HEPH: variants seen among roughly 807,000 people sequenced by gnomAD.
The protein encoded by HEPH is hephaestin.
A neutral mutation model predicts 80.8 loss-of-function variants in HEPH; 69 were observed. The ratio of observed to expected loss-of-function variants is 0.85; its 90% CI spans 0.70 to 1.04. The LOEUF (loss-of-function observed/expected upper bound fraction) is 1.04, where lower values mean the gene tolerates loss of function less well. Ranked by LOEUF, HEPH falls within the 50% of genes least tolerant of loss-of-function variation. The pLI, the probability that HEPH is intolerant of heterozygous loss-of-function variation, is 0.00. For missense variants in HEPH, 1,115 were observed against 891.3 expected (o/e 1.25, Z -3.20); for synonymous variants, 431 against 322.8 (o/e 1.34, Z -3.60).
intron 15 of HEPH, among the ~76,000 whole-genome samples, chrX:66,227,332 A>G (rs1027170175): frequency 5.4e-5 from 6 of 111,437 alleles, no homozygotes; most frequent in Admixed American, 4.8e-4. Context: ...AACCAACATT[A>G]TATTGAATGG....
intron 15 of HEPH, among the ~76,000 whole-genome samples, chrX:66,228,233 A>G (rs1041855580): frequency 5.3e-5 from 6 of 112,217 alleles, no homozygotes; most frequent in African/African-American, 1.9e-4. Context: ...ATTTACTACT[A>G]TGAGACAGTA....
chrX:66,192,964 G>A lies in HEPH; in HGVS notation c.1233-538G>A. On this transcript the variant is annotated intron_variant, in intron 7 of 20. Coordinates refer to ENST00000343002, the MANE Select transcript of HEPH (RefSeq NM_001367233.3). The stretch of plus-strand genomic sequence containing the variant: ...TGATAGGTAACTAAGAGAGGGGTTG[G>A]GGGAAGATCCTTCATGGTTATACTT... 2.7e-5 allele frequency among the ~76,000 whole-genome samples: 3 copies of A among 111,174 alleles called. 1 individual carries two copies. The Middle Eastern group carries it at 0.014, about 508-fold the overall frequency.
chrX:66,176,112 T>G (rs765801327), intron 4 of HEPH, among the ~76,000 whole-genome samples: 1 of 111,878 alleles, frequency 8.9e-6, no homozygotes, highest in African/African-American at 3.2e-5. Context: ...AGGGAATGCT[T>G]TCAACTTTTC....
At chrX:66,264,419 G>T (rs371329226) in intron 20 of HEPH, among the ~76,000 whole-genome samples, 1 of 108,759 alleles carries the variant, frequency 9.2e-6, no homozygotes, top group African/African-American at 3.3e-5. Context: ...TTTTATTCTT[G>T]CCTCTTTCCC....
chrX:66,190,004 G>C, intron 6 of HEPH, 66 bp downstream of exon 6: 2 of 1,071,773 alleles, frequency 1.9e-6, no homozygotes, highest in Middle Eastern at 5.3e-4. Flanking sequence ...AAGGGAGGCT[G>C]GGTTTCTGGC....
chrX:66,230,738 C>A (rs1189565152), intron 15 of HEPH, among the ~76,000 whole-genome samples: 11 of 106,862 alleles, frequency 1.0e-4, no homozygotes, highest in Non-Finnish European at 2.1e-4. Flanking sequence ...CCTGTTCACT[C>A]TGATGGTAGT....
chrX:66,179,837 C>T (rs1416653803), intron 4 of HEPH, among the ~76,000 whole-genome samples: 1 of 110,758 alleles, frequency 9.0e-6, no homozygotes, highest in Non-Finnish European at 1.9e-5. Context: ...ATATAATGGC[C>T]CTCTTTGTCT....
chrX:66,174,792 T>C (rs2086733540), intron 4 of HEPH, among the ~76,000 whole-genome samples: 2 of 112,213 alleles, frequency 1.8e-5, no homozygotes, highest in African/African-American at 3.2e-5. Context: ...TTTTCATATG[T>C]TTGTTGGCCA....
At chrX:66,268,183 C>CATAT (rs1257304831), downstream of HEPH, 1 of 111,975 alleles carries the variant, frequency 8.9e-6, no homozygotes. Flanking sequence ...ATTTCATCCT[C>CATAT]ATATATCATG....
chrX:66,179,753 T>A (rs913628850), intron 4 of HEPH, among the ~76,000 whole-genome samples: 1 of 111,415 alleles, frequency 9.0e-6, no homozygotes, highest in Non-Finnish European at 1.9e-5. Flanking sequence ...TTTATAAATT[T>A]GGGAGCTCCA....
intron 1 of HEPH, among the ~76,000 whole-genome samples, chrX:66,168,013 C>T (rs770633272): frequency 1.7e-4 from 19 of 111,802 alleles, no homozygotes; most frequent in African/African-American, 5.2e-4. Flanking sequence ...AGATACACAG[C>T]GACCTCTAAA....
chrX:66,199,115 A>T, intron 11 of HEPH, 87 bp downstream of exon 11: 1 of 954,545 alleles, frequency 1.0e-6, no homozygotes. Flanking sequence ...TCCTGAAAAC[A>T]CTGATTTTAT....
chrX:66,194,739 G>A (rs1044090024), intron 8 of HEPH, among the ~76,000 whole-genome samples: 1 of 111,692 alleles, frequency 9.0e-6, no homozygotes, highest in Admixed American at 9.5e-5. Context: ...AATGGGATGA[G>A]AGAAATTGCT....
At chrX:66,179,576 A>G (rs896626669) in intron 4 of HEPH, among the ~76,000 whole-genome samples, 5 of 111,386 alleles carry the variant, frequency 4.5e-5, no homozygotes, top group Non-Finnish European at 7.5e-5. Context: ...TGTTAAGCCT[A>G]TTTGTTCCAA....
intron 15 of HEPH, among the ~76,000 whole-genome samples, chrX:66,245,984 A>T (rs1213355366): frequency 8.9e-6 from 1 of 112,379 alleles, no homozygotes; most frequent in African/African-American, 3.2e-5. Context: ...CAGAGGCTGC[A>T]GTTGCAGACA....
chrX:66,233,703 CATT>C (rs1453200794), intron 15 of HEPH, among the ~76,000 whole-genome samples: 3 of 109,582 alleles, frequency 2.7e-5, no homozygotes, highest in Admixed American at 9.9e-5. Flanking sequence ...CTCAAGGAAA[CATT>C]ATTAGTGACT....
At position 66,227,497 on chromosome X, in the gene HEPH, G is replaced by A. The variant is rs185555506; in HGVS notation, c.2563+19251G>A. 2.7e-4 allele frequency among the ~76,000 whole-genome samples: 30 copies of A among 111,725 alleles called. No homozygotes were observed. The East Asian group carries it at 7.0e-3, about 26-fold the overall frequency. On this transcript the variant is annotated intron_variant, in intron 15 of 20. Transcript: ENST00000343002. ...GGAAGTCAAACTGTCACTGTTTGCT[G>A]ATGACATGATTGTATACCTACAAAA...
Position 66,258,824 on chromosome X carries a change from T to TA in HEPH, c.2897-16_2897-15insA. ...CTTTTTCTTTTCTTTTCTTTTCTTT[T>TA]CTTTTTTTTTGACAGCAATCAATGG... is the stretch of plus-strand genomic sequence containing the variant. On this transcript the variant is annotated splice_polypyrimidine_tract_variant and intron_variant, in intron 17 of 20. Coordinates refer to ENST00000343002, the MANE Select transcript of HEPH (RefSeq NM_001367233.3). 8.9e-7 allele frequency: 1 copy of TA among 1,120,673 alleles called. No homozygotes were observed. 92.4% of individuals were successfully genotyped at this position (1,120,673 alleles called of 1,213,427 possible). A position where few individuals can be genotyped will look rare whatever the true frequency, so the allele number is the denominator to read the frequency against.
chrX:66,255,487 G>A (rs1461537095), intron 16 of HEPH, among the ~76,000 whole-genome samples: 1 of 111,643 alleles, frequency 9.0e-6, no homozygotes, highest in Admixed American at 9.5e-5. Flanking sequence ...TTTGGTTATA[G>A]CATGCTTTTA....
Sources: allele counts gnomAD v4.1 joint callset (sites outside exome capture counted in the v4.1 genomes callset), GRCh38; gene constraint gnomAD v4.1.1; transcripts MANE v1.5; gene names NCBI Gene and HGNC (gene_info 2026-07-23, HGNC 2026-07-21).